Variants in RNF130 observed in about 807,000 individuals in gnomAD.
The protein encoded by RNF130 is ring finger protein 130, also known as E3 ubiquitin-protein ligase RNF130.
Under a neutral mutation model 44.6 loss-of-function variants are expected in RNF130, and 21 were observed. The ratio of observed to expected loss-of-function variants is 0.47; its 90% confidence interval spans 0.33 to 0.68. The LOEUF is 0.68. RNF130 is among the 30% of genes least tolerant of loss of function. The probability of loss-of-function intolerance (pLI) is 0.02; values close to 1 mark genes in which losing one functional copy is unlikely to be tolerated. For synonymous variants in RNF130, 214 were observed against 210.4 expected (o/e 1.02, Z -0.15); for missense variants, 479 against 560.6 (o/e 0.85, Z 1.47).
intron 2 of RNF130, among the ~76,000 whole-genome samples, chr5:180,017,885 T>C (rs1261837362): frequency 2.0e-5 from 3 of 152,184 alleles, no homozygotes; most frequent in Admixed American, 2.0e-4. Flanking sequence ...TTTCAAAAAA[T>C]GACAAACTAC....
At chr5:179,943,582 C>T (rs1761993928) in intron 7 of RNF130, among the ~76,000 whole-genome samples, 1 of 152,228 alleles carries the variant, frequency 6.6e-6, no homozygotes, top group Non-Finnish European at 1.5e-5. Context: ...TGTATACTTT[C>T]ACAACAACCT....
downstream of RNF130, among the ~76,000 whole-genome samples, chr5:179,950,976 AG>A (rs1359369659): frequency 6.6e-6 from 1 of 152,202 alleles, no homozygotes; most frequent in Non-Finnish European, 1.5e-5. Flanking sequence ...ATACCACCAG[AG>A]GAAAAAACTT....
chr5:180,017,029 T>C (rs1763753786), intron 2 of RNF130, among the ~76,000 whole-genome samples: 1 of 152,182 alleles, frequency 6.6e-6, no homozygotes, highest in Non-Finnish European at 1.5e-5. Flanking sequence ...ACTTGTTTAG[T>C]TTTGTGTCCA....
At chr5:179,983,049 A>G (rs1466345215) in intron 3 of RNF130, among the ~76,000 whole-genome samples, 1 of 152,054 alleles carries the variant, frequency 6.6e-6, no homozygotes, top group Non-Finnish European at 1.5e-5. Flanking sequence ...TTTTGCCTAT[A>G]TTTCTGAGTT....
chr5:179,928,202 T>A (rs1761733585), intron 7 of RNF130, among the ~76,000 whole-genome samples: 1 of 152,182 alleles, frequency 6.6e-6, no homozygotes, highest in African/African-American at 2.4e-5. Context: ...TTCCCTCGGA[T>A]GATGCCTGGG....
rs142873566 is a variant in RNF130, at chr5:179,982,509, T to C, written c.694-2309A>G. ...TATTATTTTACATTTGCAACAGCAA[T>C]ACATGAAAATTATAGTTCCTCCACA... On this transcript the variant is annotated intron_variant, in intron 3 of 8. Coordinates refer to ENST00000521389, the MANE Select transcript of RNF130 (RefSeq NM_018434.6). Among the ~76,000 whole-genome samples, 11 of 152,302 alleles carry C rather than the reference T, an allele frequency of 7.2e-5. No individual in the cohort carries two copies. The East Asian group carries it at 1.2e-3, about 16-fold the overall frequency.
At chr5:179,976,206 G>C (rs528258785) in intron 5 of RNF130, among the ~76,000 whole-genome samples, 149 of 152,268 alleles carry the variant, frequency 9.8e-4, no homozygotes, top group African/African-American at 3.6e-3. Flanking sequence ...AATGAAACTG[G>C]AAAAGTCAAC....
At position 179,998,883 on chromosome 5, in the gene RNF130, ATGTTT is replaced by A. The variant is rs199781115; in HGVS notation, c.693+14173_693+14177del. Among the ~76,000 whole-genome samples the A allele has an allele frequency of 4.9e-3, 466 of 95,994 alleles. 28 individuals carry two copies. Among genetic ancestry groups the A allele is most frequent in the East Asian group, 0.028 (98 of 3,446 alleles). The allele number at this position is 95,994 out of a possible 152,430, so 63.0% of individuals were successfully genotyped here. A position where few individuals can be genotyped will look rare whatever the true frequency, so the allele number is the denominator to read the frequency against. ...TTTATATATATATATATATATATAT[ATGTTT>A]TATATATCTGAGTGCTCCAGTGTTG... On this transcript the variant is annotated intron_variant, in intron 3 of 8. Coordinates refer to ENST00000521389, the MANE Select transcript of RNF130 (RefSeq NM_018434.6).
At chr5:179,955,822 C>T (rs1337696191) in intron 8 of RNF130, among the ~76,000 whole-genome samples, 153 bp from the exon 9 acceptor site, 1 of 152,168 alleles carries the variant, frequency 6.6e-6, no homozygotes, top group African/African-American at 2.4e-5. Flanking sequence ...AGTGTTTTCC[C>T]AAAATCAGCA....
At chr5:179,951,160 T>A (rs536068834), downstream of RNF130, among the ~76,000 whole-genome samples, 1 of 152,242 alleles carries the variant, frequency 6.6e-6, no homozygotes, top group South Asian at 2.1e-4. Flanking sequence ...TTTAAAACAT[T>A]CTTCAACCCC....
At chr5:179,938,546 CATTT>C (rs1175679869) in intron 7 of RNF130, among the ~76,000 whole-genome samples, 1 of 152,058 alleles carries the variant, frequency 6.6e-6, no homozygotes, top group Non-Finnish European at 1.5e-5. Context: ...CTTACTTATT[CATTT>C]ATTTTCACCA....
rs775374033 is a variant in RNF130 at position 179,955,477 on chromosome 5, G to A, written c.*177C>T. 1.1e-5 allele frequency: 6 copies of A among 539,396 alleles called. No individual in the cohort carries two copies. Among genetic ancestry groups the A allele is most frequent in the Non-Finnish European group, 1.9e-5 (6 of 308,770 alleles). 33.4% of individuals were successfully genotyped at this position (539,396 alleles called of 1,614,324 possible). A position where few individuals can be genotyped will look rare whatever the true frequency, so the allele number is the denominator to read the frequency against. On this transcript the variant is annotated 3_prime_UTR_variant, in exon 9 of 9. Coordinates refer to ENST00000521389, the MANE Select transcript of RNF130 (RefSeq NM_018434.6). ...CTGGTTAATAAGACTCAACAGCACA[G>A]ACTTTTTATTTTATTATTTATTTCT...
At chr5:179,960,697 A>G (rs892914830) in intron 8 of RNF130, among the ~76,000 whole-genome samples, 5 of 152,232 alleles carry the variant, frequency 3.3e-5, no homozygotes, top group African/African-American at 1.2e-4. Context: ...AGAAAGGTAA[A>G]CTATTCTAGT....
intron 3 of RNF130, among the ~76,000 whole-genome samples, chr5:179,996,473 T>C (rs1763198904): frequency 6.6e-6 from 1 of 152,238 alleles, no homozygotes; most frequent in African/African-American, 2.4e-5. Flanking sequence ...ATATGGCCTT[T>C]ATTGTGTTGA....
At chr5:180,000,708 T>C (rs549373385) in intron 3 of RNF130, among the ~76,000 whole-genome samples, 34 of 152,350 alleles carry the variant, frequency 2.2e-4, no homozygotes, top group African/African-American at 7.5e-4. Context: ...TTTTCATTCA[T>C]TGAATTCTTC....
chr5:180,020,936 C>T (rs1763856372), intron 2 of RNF130, among the ~76,000 whole-genome samples: 1 of 152,150 alleles, frequency 6.6e-6, no homozygotes, highest in Non-Finnish European at 1.5e-5. Context: ...GTAGTTCTGT[C>T]CACAGGTCAC....
Position 179,955,594 on chromosome 5 carries a change from C to T in RNF130, c.*60G>A, listed in dbSNP as rs12332469. ...TGTGGCATGATTGGTAAATGATGCACAAAAATAGGTTCTTTTTTCCTTCAA... is the reference window on the plus strand; with the variant it reads ...TGTGGCATGATTGGTAAATGATGCATAAAAATAGGTTCTTTTTTCCTTCAA... On this transcript the variant is annotated 3_prime_UTR_variant, in exon 9 of 9. Transcript: ENST00000521389. 5,144 of 1,471,456 alleles carry T rather than the reference C, an allele frequency of 3.5e-3. 141 individuals carry two copies. The African/African-American group carries it at 0.061, about 17-fold the overall frequency. 91.1% of individuals were successfully genotyped at this position (1,471,456 alleles called of 1,614,324 possible).
intron 7 of RNF130, among the ~76,000 whole-genome samples, chr5:179,946,366 T>C (rs1301542201): frequency 6.6e-6 from 1 of 152,178 alleles, no homozygotes; most frequent in Non-Finnish European, 1.5e-5. Context: ...TGACCCACGG[T>C]GAGAAACCCC....
At chr5:179,928,923 C>T (rs1761767607) in intron 7 of RNF130, among the ~76,000 whole-genome samples, 1 of 152,334 alleles carries the variant, frequency 6.6e-6, no homozygotes, top group African/African-American at 2.4e-5. Flanking sequence ...GCCACCGCAC[C>T]TGGCCATCCA....
Sources: allele counts gnomAD v4.1 joint callset (sites outside exome capture counted in the v4.1 genomes callset), GRCh38; gene constraint gnomAD v4.1.1; transcripts MANE v1.5; gene names NCBI Gene and HGNC (gene_info 2026-07-23, HGNC 2026-07-21).